The following PDE10A variants were observed in gnomAD, a reference collection of about 807,000 sequenced individuals.
The protein encoded by PDE10A is phosphodiesterase 10A.
Under a neutral mutation model 97.7 loss-of-function variants are expected in PDE10A, and 39 were observed. The observed-to-expected ratio is 0.40, with a 90% CI of 0.31 to 0.52. The LOEUF (loss-of-function observed/expected upper bound fraction) is 0.52. Ranked by LOEUF, PDE10A falls within the 20% of genes least tolerant of loss-of-function variation. The probability of loss-of-function intolerance (pLI) is 0.56; values close to 1 mark genes in which losing one functional copy is unlikely to be tolerated. For missense variants in PDE10A, 731 were observed against 1,047.8 expected (o/e 0.70, Z 4.17); for synonymous variants, 371 against 376.8 (o/e 0.98, Z 0.18).
chr6:165,361,108 C>G (rs1183248304), intron 18 of PDE10A, among the ~76,000 whole-genome samples: 1 of 152,166 alleles, frequency 6.6e-6, no homozygotes, highest in African/African-American at 2.4e-5. Flanking sequence ...ATGACATAAT[C>G]TTATGTGTGT....
chr6:165,535,448 T>A (rs564196614), intron 2 of PDE10A, among the ~76,000 whole-genome samples: 64 of 152,020 alleles, frequency 4.2e-4, no homozygotes, highest in Non-Finnish European at 6.9e-4. Context: ...ATTATTTAAC[T>A]CCTACTTATA....
chr6:165,887,533 G>A (rs1351639054), intron 1 of PDE10A, among the ~76,000 whole-genome samples: 1 of 140,254 alleles, frequency 7.1e-6, no homozygotes, highest in Non-Finnish European at 1.5e-5. Context: ...TCTTCACAGG[G>A]GACAGAATTG....
rs1167875151 is a variant in PDE10A, at chr6:165,329,509, A to T, written c.*3516T>A. The stretch of plus-strand genomic sequence containing the variant: ...TTAGTCCTATTAAAGCTCAAACCTT[A>T]ATTTTGAGTTAAAAGACCAGAAACA... On this transcript the variant is annotated 3_prime_UTR_variant, in exon 22 of 22. Transcript: ENST00000539869. 1 of 152,226 alleles carries T rather than the reference A, an allele frequency of 6.6e-6. No individual in the cohort carries two copies. Among genetic ancestry groups the T allele is most frequent in the African/African-American group, 2.4e-5 (1 of 41,466 alleles). 9.4% of individuals were successfully genotyped at this position (152,226 alleles called of 1,614,324 possible).
At chr6:165,366,445 C>A (rs1045406211) in intron 18 of PDE10A, among the ~76,000 whole-genome samples, 1 of 152,138 alleles carries the variant, frequency 6.6e-6, no homozygotes, top group African/African-American at 2.4e-5. Flanking sequence ...TTTTAAGATT[C>A]TGGTAATCAT....
intron 16 of PDE10A, among the ~76,000 whole-genome samples, chr6:165,390,234 G>A (rs1371321508): frequency 1.3e-5 from 2 of 152,218 alleles, no homozygotes; most frequent in Non-Finnish European, 1.5e-5. Context: ...AGTGCCGAAT[G>A]TCCCGGGATT....
intron 1 of PDE10A, among the ~76,000 whole-genome samples, chr6:165,672,878 A>G (rs1790687423): frequency 6.6e-6 from 1 of 152,218 alleles, no homozygotes; most frequent in Admixed American, 6.5e-5. Flanking sequence ...TCACACCATC[A>G]TAAAGTCAAA....
intron 1 of PDE10A, among the ~76,000 whole-genome samples, chr6:165,629,322 T>C (rs1042390924): frequency 2.4e-4 from 37 of 152,164 alleles, no homozygotes; most frequent in Non-Finnish European, 1.0e-4. Context: ...ATCCAAGGTA[T>C]GACTTCAACA....
At chr6:165,722,782 C>T (rs1410057558) in intron 1 of PDE10A, among the ~76,000 whole-genome samples, 1 of 151,678 alleles carries the variant, frequency 6.6e-6, no homozygotes, top group Non-Finnish European at 1.5e-5. Context: ...ACTGAGCCTG[C>T]GAAAACATCG....
intron 4 of PDE10A, 38 bp downstream of exon 4, chr6:165,450,204 G>C (rs758545844): frequency 3.1e-6 from 4 of 1,310,174 alleles, no homozygotes; most frequent in Non-Finnish European, 3.9e-6. Flanking sequence ...AAGAATCTTT[G>C]CCCATTTTTT....
chr6:165,954,153 A>G (rs1251587580), intron 1 of PDE10A, among the ~76,000 whole-genome samples: 1 of 152,214 alleles, frequency 6.6e-6, no homozygotes, highest in Admixed American at 6.5e-5. Flanking sequence ...CATTTACCTA[A>G]CCGAGGGTAT....
intron 1 of PDE10A, among the ~76,000 whole-genome samples, chr6:165,873,317 C>A (rs1169069818): frequency 6.6e-6 from 1 of 152,184 alleles, no homozygotes; most frequent in South Asian, 2.1e-4. Context: ...ACTACTAGGA[C>A]ATTTTGGGGA....
rs373864073 is a variant in PDE10A, at chr6:165,847,824, T to A, written c.-615+139705A>T. ...TTAACTTAAATCTGAACCATTAAGA[T>A]GTGAATTGCTTTTGAGCGTAAACAA... is the stretch of plus-strand genomic sequence containing the variant. On this transcript the variant is annotated intron_variant, in intron 1 of 19. Coordinates refer to the PDE10A transcript ENST00000366882. Among the ~76,000 whole-genome samples the A allele has an allele frequency of 3.9e-5, 6 of 152,388 alleles. No individual in the cohort carries two copies. The South Asian group carries it at 1.2e-3, about 32-fold the overall frequency.
chr6:165,485,543 C>A (rs1284627962), intron 2 of PDE10A, among the ~76,000 whole-genome samples: 2 of 148,788 alleles, frequency 1.3e-5, no homozygotes, highest in African/African-American at 4.9e-5. Flanking sequence ...AGAACACAGG[C>A]AATTATTGAA....
chr6:165,356,539 A>G (rs1001587678), intron 18 of PDE10A, among the ~76,000 whole-genome samples: 4 of 151,970 alleles, frequency 2.6e-5, no homozygotes, highest in Non-Finnish European at 5.9e-5. Flanking sequence ...CTTGTTTTTT[A>G]GCATGATGAA....
chr6:165,683,765 G>T (rs1299628851), intron 1 of PDE10A, among the ~76,000 whole-genome samples: 2 of 152,152 alleles, frequency 1.3e-5, no homozygotes, highest in Non-Finnish European at 2.9e-5. Flanking sequence ...GTGAACCAAA[G>T]ATGGTACCTT....
intron 13 of PDE10A, among the ~76,000 whole-genome samples, chr6:165,412,311 T>A (rs1787923464): frequency 6.6e-6 from 1 of 152,192 alleles, no homozygotes; most frequent in African/African-American, 2.4e-5. Context: ...TTGTGTTTTT[T>A]AATATATTAT....
At chr6:165,632,274 G>T (rs1219732504) in intron 1 of PDE10A, among the ~76,000 whole-genome samples, 3 of 150,858 alleles carry the variant, frequency 2.0e-5, no homozygotes, top group Admixed American at 6.6e-5. Context: ...CCTTCACCAG[G>T]AGGAAGCCAC....
chr6:165,365,409 T>C (rs1264914889), intron 18 of PDE10A, among the ~76,000 whole-genome samples: 2 of 152,138 alleles, frequency 1.3e-5, no homozygotes, highest in East Asian at 3.9e-4. Flanking sequence ...TTTAAAAAGG[T>C]GACAGGCTGG....
intron 1 of PDE10A, among the ~76,000 whole-genome samples, chr6:165,885,333 G>C (rs1781599535): frequency 6.6e-6 from 1 of 152,176 alleles, no homozygotes; most frequent in Non-Finnish European, 1.5e-5. Flanking sequence ...TTCACAAGGT[G>C]GCAGAAGCGA....
Sources: gnomAD v4.1 joint callset for allele counts (sites outside exome capture counted in the v4.1 genomes callset) on GRCh38, gnomAD v4.1.1 for gene constraint, MANE v1.5 for transcripts, NCBI Gene and HGNC (gene_info 2026-07-23, HGNC 2026-07-21) for gene names.